The following ADAMTS18 variants were observed in gnomAD, a reference collection of about 807,000 sequenced individuals.
ADAMTS18 encodes the protein ADAM metallopeptidase with thrombospondin type 1 motif 18, also known as A disintegrin and metalloproteinase with thrombospondin motifs 18.
Under a neutral mutation model 165.9 loss-of-function variants are expected in ADAMTS18, and 157 were observed. The observed-to-expected ratio is 0.95, with a 90% CI of 0.83 to 1.08. The LOEUF is 1.08. Among genes scored for constraint, ADAMTS18 ranks in the 50% least tolerant of loss-of-function variants. The pLI is 0.00. For missense variants in ADAMTS18, 2,040 were observed against 1,534.0 expected (o/e 1.33, Z -5.51); for synonymous variants, 782 against 578.2 (o/e 1.35, Z -5.06).
In ADAMTS18 at chr16:77,364,355, T is replaced by G; in HGVS notation, c.805A>C (p.Thr269Pro). The G allele has an allele frequency of 6.2e-7, 1 of 1,613,806 alleles. No homozygotes were observed. Among genetic ancestry groups the G allele is most frequent in the Non-Finnish European group, 8.5e-7 (1 of 1,179,978 alleles). The change falls in exon 5 of 23, where the codon ACC becomes CCC. Residue 269 changes from threonine (T) to proline (P), a missense_variant. Transcript: ENST00000282849. ...CCATATTCATCAAACCTTAGATAGG[T>G]GTCCTCTGTGGGAGGCTTGGGAGCA... ...KYAPKPPTED[T>P]YLRFDEYGSS...
At chr16:77,323,457 T>G (rs1398538101) in intron 13 of ADAMTS18, among the ~76,000 whole-genome samples, 1 of 152,314 alleles carries the variant, frequency 6.6e-6, no homozygotes, top group East Asian at 1.9e-4. Context: ...GCAGCTTTAT[T>G]TAATGCGTAA....
intron 3 of ADAMTS18, among the ~76,000 whole-genome samples, chr16:77,426,970 T>C (rs2057681376): frequency 6.6e-6 from 1 of 152,168 alleles, no homozygotes; most frequent in Non-Finnish European, 1.5e-5. Context: ...GCCATGATTA[T>C]ACCACTGTAC....
intron 3 of ADAMTS18, among the ~76,000 whole-genome samples, chr16:77,397,385 T>C (rs1163486733): frequency 6.6e-6 from 1 of 152,232 alleles, no homozygotes; most frequent in Non-Finnish European, 1.5e-5. Context: ...TAAAATGCTA[T>C]AATTAATATA....
intron 16 of ADAMTS18, among the ~76,000 whole-genome samples, chr16:77,315,593 C>A (rs1010207478): frequency 6.6e-6 from 1 of 152,144 alleles, no homozygotes; most frequent in African/African-American, 2.4e-5. Context: ...TGTGAAGATC[C>A]TGTTTCCAGC....
At chr16:77,362,599 T>C (rs1270646548) in intron 6 of ADAMTS18, among the ~76,000 whole-genome samples, 3 of 152,104 alleles carry the variant, frequency 2.0e-5, no homozygotes, top group Non-Finnish European at 4.4e-5. Flanking sequence ...AATGATGAAG[T>C]TCAATGGCTT....
chr16:77,315,503 G>A (rs1036702456), intron 16 of ADAMTS18, among the ~76,000 whole-genome samples: 2 of 152,210 alleles, frequency 1.3e-5, no homozygotes, highest in East Asian at 1.9e-4. Context: ...GCCTGTGGGT[G>A]TGCAGGTGCA....
intron 3 of ADAMTS18, among the ~76,000 whole-genome samples, chr16:77,429,165 G>A (rs548386160): frequency 1.8e-4 from 28 of 152,160 alleles, no homozygotes; most frequent in Non-Finnish European, 2.6e-4. Flanking sequence ...ATTCACCATA[G>A]CAAGGACATG....
At chr16:77,289,541 C>G (rs909730584) in intron 21 of ADAMTS18, 130 bp from the exon 22 acceptor site, 7 of 1,068,438 alleles carry the variant, frequency 6.6e-6, no homozygotes, top group Non-Finnish European at 9.7e-6. Flanking sequence ...TGGAGCCAGG[C>G]ACATGTGCTT....
At chr16:77,403,511 G>A (rs1297172945) in intron 3 of ADAMTS18, among the ~76,000 whole-genome samples, 1 of 152,160 alleles carries the variant, frequency 6.6e-6, no homozygotes, top group African/African-American at 2.4e-5. Flanking sequence ...CAGAGAATGG[G>A]AGGAGAGAAG....
At chr16:77,291,055 CAGATAATGATTTTCT>C (rs576224176) in intron 21 of ADAMTS18, 196 bp downstream of exon 21, 331 of 538,936 alleles carry the variant, frequency 6.1e-4, no homozygotes, top group African/African-American at 5.3e-3. Flanking sequence ...TCAACTCTCC[CAGATAATGATTTTCT>C]AGATGTGAAA....
chr16:77,362,397 G>A, intron 6 of ADAMTS18, 133 bp from the exon 7 acceptor site: 1 of 945,102 alleles, frequency 1.1e-6, no homozygotes, highest in Non-Finnish European at 1.6e-6. Context: ...AGCTAAGGTA[G>A]GAGACAGGAA....
intron 3 of ADAMTS18, among the ~76,000 whole-genome samples, chr16:77,386,865 T>C (rs1028602895): frequency 2.0e-5 from 3 of 152,184 alleles, no homozygotes; most frequent in African/African-American, 4.8e-5. Flanking sequence ...AATAGAAGCA[T>C]AGTTTATTTA....
intron 10 of ADAMTS18, among the ~76,000 whole-genome samples, chr16:77,350,438 T>A (rs977852974): frequency 6.6e-6 from 1 of 152,088 alleles, no homozygotes; most frequent in African/African-American, 2.4e-5. Flanking sequence ...AACCGTATTG[T>A]TTATCAAGTG....
intron 3 of ADAMTS18, among the ~76,000 whole-genome samples, chr16:77,416,788 G>A (rs1363853167): frequency 2.0e-5 from 3 of 152,080 alleles, no homozygotes; most frequent in Non-Finnish European, 4.4e-5. Context: ...ACTATGAGAA[G>A]AATAGACTAA....
intron 7 of ADAMTS18, 149 bp from the exon 8 acceptor site, chr16:77,359,572 A>G: frequency 1.5e-6 from 1 of 682,860 alleles, no homozygotes; most frequent in Non-Finnish European, 2.6e-6. Context: ...AAAAAGATCT[A>G]TAGTTCTTTG....
chr16:77,364,205 G>A lies in ADAMTS18; in HGVS notation c.955C>T (p.Leu319Phe), dbSNP rs2056757990. 2 of 1,613,950 alleles carry A rather than the reference G, an allele frequency of 1.2e-6. No individual in the cohort carries two copies. The highest frequency in any genetic ancestry group is 1.7e-6 in the Non-Finnish European group (2 of 1,180,030). The change falls in exon 5 of 23, where the codon CTC becomes TTC. Residue 319 changes from leucine to phenylalanine, a missense_variant. Physicochemically the swap from Leu to Phe is conservative, Grantham distance 22. Transcript: ENST00000282849. Reference protein sequence around the residue: ...HGKGNVTTYILTVMNMVSGLF... With the variant: ...HGKGNVTTYIFTVMNMVSGLF... Reference sequence around the variant, plus strand: ...CCGCTTACCATGTTCATTACTGTGAGAATGTATGTGGTGACATTTCCCTTG... The same window carrying A: ...CCGCTTACCATGTTCATTACTGTGAAAATGTATGTGGTGACATTTCCCTTG...
chr16:77,362,338 AG>A, intron 6 of ADAMTS18, 74 bp from the exon 7 acceptor site: 1 of 1,508,196 alleles, frequency 6.6e-7, no homozygotes, highest in South Asian at 1.1e-5. Flanking sequence ...CCATTTGTAC[AG>A]GCAAACACAG....
At chr16:77,384,074 C>A (rs2057072225) in intron 3 of ADAMTS18, among the ~76,000 whole-genome samples, 1 of 152,082 alleles carries the variant, frequency 6.6e-6, no homozygotes, top group Admixed American at 6.5e-5. Context: ...GACTTTGTGC[C>A]TGTTCTGCCG....
intron 3 of ADAMTS18, among the ~76,000 whole-genome samples, chr16:77,419,643 C>A (rs555419608): frequency 6.6e-6 from 1 of 152,220 alleles, no homozygotes; most frequent in South Asian, 2.1e-4. Context: ...AAAACTCCTT[C>A]CCAGAAATAG....
Sources: gnomAD v4.1 joint callset for allele counts (sites outside exome capture counted in the v4.1 genomes callset) on GRCh38, gnomAD v4.1.1 for gene constraint, MANE v1.5 for transcripts, NCBI Gene and HGNC (gene_info 2026-07-23, HGNC 2026-07-21) for gene names.